Variants in CHID1 observed in about 807,000 individuals in gnomAD.
The protein encoded by CHID1 is chitinase domain-containing protein 1.
A neutral mutation model predicts 55.4 loss-of-function variants in CHID1; 44 were observed. The ratio of observed to expected loss-of-function variants is 0.79; its 90% CI spans 0.62 to 1.02. CHID1 has a LOEUF of 1.02. Among genes scored for constraint, CHID1 ranks in the 50% least tolerant of loss-of-function variants. The pLI is 0.00. For missense variants in CHID1, 491 were observed against 515.3 expected, an observed-to-expected ratio of 0.95 and a Z score of 0.46; for synonymous variants, 216 against 212.9, an observed-to-expected ratio of 1.01 and a Z score of -0.13.
intron 9 of CHID1, 96 bp from the exon 10 acceptor site, chr11:883,399 G>T: frequency 7.8e-7 from 1 of 1,279,234 alleles, no homozygotes; most frequent in Non-Finnish European, 1.1e-6. Flanking sequence ...TCCTCCCCAT[G>T]CTGCGGCTGA....
At chr11:894,905 C>A (rs1194778988) in intron 7 of CHID1, among the ~76,000 whole-genome samples, 5 of 152,192 alleles carry the variant, frequency 3.3e-5, no homozygotes, top group Admixed American at 2.6e-4. Context: ...GCCAAGCCCC[C>A]GTCAATTCCT....
chr11:870,472 C>T lies in CHID1; in HGVS notation c.987G>A (p.Arg329=). The T allele has an allele frequency of 4.3e-6, 7 of 1,611,774 alleles. No homozygotes were observed. Among genetic ancestry groups the T allele is most frequent in the Non-Finnish European group, 5.1e-6 (6 of 1,179,216 alleles). The change falls in exon 11 of 13, where the codon AGG becomes AGA. Residue 329 remains arginine (R), a synonymous_variant. Coordinates refer to ENST00000323578, the MANE Select transcript of CHID1 (RefSeq NM_023947.4). ...CCTGGCTGTCCCACACCATCCGGGG[C>T]CTGTGGTCCTTCAGTGTCTGGATGT... ...ARYIQTLKDH[R]PRMVWDSQAS...
Position 869,490 on chromosome 11 carries a change from T to C in CHID1, c.*368A>G, listed in dbSNP as rs555303278. 3.5e-4 allele frequency: 107 copies of C among 303,110 alleles called. 3 individuals carry two copies. The South Asian group carries it at 4.2e-3, about 12-fold the overall frequency. The allele number at this position is 303,110 out of a possible 1,614,324, so 18.8% of individuals were successfully genotyped here. On this transcript the variant is annotated 3_prime_UTR_variant, in exon 13 of 13. Coordinates refer to ENST00000323578, the MANE Select transcript of CHID1 (RefSeq NM_023947.4). ...GCCCTCGAATCCAGGAGTGGGCGAG[T>C]CCGGGATGGTTCCAGAGCTTCCAAA...
At chr11:903,201 C>A in intron 2 of CHID1, 90 bp from the exon 3 acceptor site, 2 of 1,359,960 alleles carry the variant, frequency 1.5e-6, no homozygotes, top group Non-Finnish European at 2.0e-6. Flanking sequence ...TCCATTCAGC[C>A]AGCAGCCGAG....
chr11:873,712 G>C lies in CHID1; in HGVS notation c.960-3213C>G, dbSNP rs1423573332. Among the ~76,000 whole-genome samples, 7 of 150,246 alleles carry C rather than the reference G, an allele frequency of 4.7e-5. No homozygotes were observed. In the South Asian group the frequency reaches 1.0e-3, roughly 22 times the overall value. Reference sequence around the variant, plus strand: ...CTGGAGGTGGGCACAAGCTAGGGCGGAGAAAGAGGGCACAGCTGCTAAAAG... The same window carrying C: ...CTGGAGGTGGGCACAAGCTAGGGCGCAGAAAGAGGGCACAGCTGCTAAAAG... On this transcript the variant is annotated intron_variant, in intron 10 of 12. Transcript: ENST00000323578.
upstream of CHID1, chr11:911,310 G>A (rs1317433831): frequency 4.6e-5 from 7 of 152,204 alleles, no homozygotes; most frequent in Non-Finnish European, 1.5e-5. Context: ...TCTCCAGCGG[G>A]GACTGCCCGA....
chr11:910,795 A>G lies in CHID1; in HGVS notation c.-64T>C. 2 of 1,113,030 alleles carry G rather than the reference A, an allele frequency of 1.8e-6. No individual in the cohort carries two copies. Among genetic ancestry groups the G allele is most frequent in the Non-Finnish European group, 2.2e-6 (2 of 904,726 alleles). The allele number at this position is 1,113,030 out of a possible 1,614,324, so 68.9% of individuals were successfully genotyped here. On this transcript the variant is annotated 5_prime_UTR_variant, in exon 1 of 13. Coordinates refer to ENST00000323578, the MANE Select transcript of CHID1 (RefSeq NM_023947.4). ...CTCACCTGCATGTCAGGGAGGCCGG[A>G]CGGCCACAAACGCACGGCCGGAAAA...
chr11:905,951 C>T (rs779792994), intron 1 of CHID1, among the ~76,000 whole-genome samples: 6 of 152,174 alleles, frequency 3.9e-5, no homozygotes, highest in Admixed American at 1.3e-4. Flanking sequence ...CACTTGACAA[C>T]GGATTTCTAC....
At chr11:882,092 C>T (rs1333295416) in intron 10 of CHID1, among the ~76,000 whole-genome samples, 7 of 151,948 alleles carry the variant, frequency 4.6e-5, no homozygotes, top group Admixed American at 4.6e-4. Flanking sequence ...TTTGGGAGGC[C>T]AAGGTGGGCG....
intron 10 of CHID1, among the ~76,000 whole-genome samples, chr11:872,118 G>T (rs879680424): frequency 6.6e-6 from 1 of 152,200 alleles, no homozygotes; most frequent in African/African-American, 2.4e-5. Flanking sequence ...GTGGGAAACA[G>T]CATTCGGGCA....
At chr11:908,993 C>T (rs767927957) in intron 1 of CHID1, among the ~76,000 whole-genome samples, 58 of 152,238 alleles carry the variant, frequency 3.8e-4, no homozygotes, top group Non-Finnish European at 6.6e-4. Context: ...TGTCCACTCG[C>T]GCTTAACTTG....
At chr11:905,005 G>T in intron 1 of CHID1, 146 bp from the exon 2 acceptor site, 1 of 859,540 alleles carries the variant, frequency 1.2e-6, no homozygotes, top group Non-Finnish European at 1.8e-6. Flanking sequence ...ACAGAGCCCT[G>T]ACCTGGACCA....
At chr11:901,745 C>A (rs925018453) in intron 4 of CHID1, among the ~76,000 whole-genome samples, 2 of 152,160 alleles carry the variant, frequency 1.3e-5, no homozygotes, top group African/African-American at 4.8e-5. Flanking sequence ...CAGACCTGGG[C>A]GGAACACTCT....
At chr11:890,762 G>A (rs1014021890) in intron 8 of CHID1, among the ~76,000 whole-genome samples, 9 of 152,204 alleles carry the variant, frequency 5.9e-5, no homozygotes, top group Non-Finnish European at 1.2e-4. Context: ...GACTGACTGT[G>A]GGAGCAGGGC....
At chr11:908,636 G>C in intron 1 of CHID1, 1 of 985,192 alleles carries the variant, frequency 1.0e-6, no homozygotes, top group Non-Finnish European at 1.2e-6. Context: ...TCTGTCTTCT[G>C]GGTGGAAATC....
intron 1 of CHID1, among the ~76,000 whole-genome samples, chr11:909,189 C>T (rs952773754): frequency 6.6e-6 from 1 of 152,198 alleles, no homozygotes; most frequent in African/African-American, 2.4e-5. Flanking sequence ...CACTGCTCAC[C>T]GGCCGCTCGG....
chr11:899,755 A>G (rs549173829), intron 6 of CHID1, among the ~76,000 whole-genome samples: 79 of 152,348 alleles, frequency 5.2e-4, no homozygotes, highest in African/African-American at 1.6e-3. Context: ...GCTTTGCCCA[A>G]GGGAAGAACC....
Position 893,429 on chromosome 11 carries a change from G to A in CHID1, c.699C>T (p.Pro233=), listed in dbSNP as rs760363032. 1.4e-5 allele frequency: 22 copies of A among 1,548,888 alleles called. No homozygotes were observed. The African/African-American group carries it at 1.6e-4, about 12-fold the overall frequency. Residue 233 remains proline (P), a splice_region_variant and synonymous_variant, in exon 8 of 13, where the codon CCC becomes CCT. Transcript: ENST00000323578. ...CACATCTCAAGAGCGGCACTTACCC[G>A]GGGGTGATGGCAGGCGGGATGACCA... The part of the protein sequence containing the change: ...ALLVIPPAIT[P]GTDQLGMFTH...
chr11:889,861 C>T (rs763524281), intron 8 of CHID1, among the ~76,000 whole-genome samples: 19 of 152,348 alleles, frequency 1.2e-4, no homozygotes, highest in Non-Finnish European at 2.5e-4. Flanking sequence ...AGCCAGCGGC[C>T]ACAGCTGTTC....
Sources: gnomAD v4.1 joint callset for allele counts (sites outside exome capture counted in the v4.1 genomes callset) on GRCh38, gnomAD v4.1.1 for gene constraint, MANE v1.5 for transcripts, NCBI Gene and HGNC (gene_info 2026-07-23, HGNC 2026-07-21) for gene names.